GTF2A1: variants seen among roughly 807,000 people sequenced by gnomAD.
GTF2A1 encodes general transcription factor IIA subunit 1.
In GTF2A1, 12 loss-of-function variants were observed where a neutral mutation model predicts 54.1. The observed-to-expected ratio is 0.22, with a 90% CI of 0.14 to 0.36. GTF2A1 has a LOEUF of 0.36. Among genes scored for constraint, GTF2A1 ranks in the 10% least tolerant of loss-of-function variants. The pLI, the probability that GTF2A1 is intolerant of heterozygous loss-of-function variation, is 1.00. For synonymous variants in GTF2A1, 145 were observed against 152.0 expected (o/e 0.95, Z 0.34); for missense variants, 335 against 442.2 (o/e 0.76, Z 2.17).
intron 4 of GTF2A1, among the ~76,000 whole-genome samples, chr14:81,198,621 C>A (rs1018172166): frequency 6.6e-6 from 1 of 152,150 alleles, no homozygotes; most frequent in Non-Finnish European, 1.5e-5. Flanking sequence ...TTATTCTGCA[C>A]TTTAAGTATT....
intron 8 of GTF2A1, among the ~76,000 whole-genome samples, chr14:81,180,910 T>C (rs67933866): frequency 0.13 from 19,481 of 152,230 alleles, 1,430 homozygotes; most frequent in African/African-American, 0.2. Flanking sequence ...GGTATTTTCA[T>C]TGACATTTCT....
intron 7 of GTF2A1, among the ~76,000 whole-genome samples, chr14:81,190,279 AAG>A (rs565529072): frequency 5.6e-4 from 85 of 152,214 alleles, no homozygotes; most frequent in Non-Finnish European, 9.9e-4. Context: ...AAAAAAAAAA[AAG>A]AGTTCAAAAT....
At position 81,178,116 on chromosome 14, in the gene GTF2A1, T is replaced by C. The variant is rs1477521362; in HGVS notation, c.*2107A>G. The C allele has an allele frequency of 6.6e-6, 1 of 152,080 alleles. No individual in the cohort carries two copies. Among genetic ancestry groups the C allele is most frequent in the Non-Finnish European group, 1.5e-5 (1 of 67,978 alleles). 9.4% of individuals were successfully genotyped at this position (152,080 alleles called of 1,614,324 possible). A position where few individuals can be genotyped will look rare whatever the true frequency, so the allele number is the denominator to read the frequency against. ...GGCCAGTATACAACACTACTATGAATATGAATGTTTGTCTACATAGAGGGC... is the reference window on the plus strand; with the variant it reads ...GGCCAGTATACAACACTACTATGAACATGAATGTTTGTCTACATAGAGGGC... On this transcript the variant is annotated 3_prime_UTR_variant, in exon 9 of 9. Coordinates refer to ENST00000553612, the MANE Select transcript of GTF2A1 (RefSeq NM_015859.4).
chr14:81,201,930 CG>C (rs1314872705), intron 3 of GTF2A1, among the ~76,000 whole-genome samples: 1 of 152,020 alleles, frequency 6.6e-6, no homozygotes, highest in African/African-American at 2.4e-5. Context: ...GAGGCCAAGG[CG>C]GGTGGATCAC....
chr14:81,204,362 A>G, intron 2 of GTF2A1: 1 of 579,898 alleles, frequency 1.7e-6, no homozygotes, highest in Non-Finnish European at 3.2e-6. Context: ...TTTCTATAGT[A>G]ATTCCTTAAT....
At chr14:81,196,719 A>G (rs1207268204) in intron 5 of GTF2A1, among the ~76,000 whole-genome samples, 1 of 152,228 alleles carries the variant, frequency 6.6e-6, no homozygotes, top group African/African-American at 2.4e-5. Context: ...ACCAGTTATC[A>G]TCATTGTCAT....
intron 2 of GTF2A1, among the ~76,000 whole-genome samples, chr14:81,208,016 T>A (rs1328442736): frequency 4.0e-5 from 6 of 151,026 alleles, no homozygotes; most frequent in African/African-American, 1.5e-4. Flanking sequence ...GAAAAAGCCA[T>A]TTTTTGAGGA....
chr14:81,207,618 G>A (rs1444337872), intron 2 of GTF2A1, among the ~76,000 whole-genome samples: 1 of 152,176 alleles, frequency 6.6e-6, no homozygotes, highest in East Asian at 1.9e-4. Flanking sequence ...GGAACGGTTT[G>A]GGGAGCTCAG....
chr14:81,206,996 G>A (rs1223538834), intron 2 of GTF2A1, among the ~76,000 whole-genome samples: 1 of 152,128 alleles, frequency 6.6e-6, no homozygotes, highest in Non-Finnish European at 1.5e-5. Context: ...TTCTTAAGGA[G>A]GGTCCTAGTC....
In GTF2A1 at chr14:81,220,730, A is replaced by C; in HGVS notation, c.-212T>G. The C allele has an allele frequency of 3.7e-5, 12 of 327,744 alleles. No homozygotes were observed. The highest frequency in any genetic ancestry group is 4.6e-5 in the East Asian group (1 of 21,826). 20.3% of individuals were successfully genotyped at this position (327,744 alleles called of 1,614,324 possible). The stretch of plus-strand genomic sequence containing the variant: ...CCTCCCGCAGCTGAAAACCTCGAGA[A>C]TCGCCTTAAAAAAAAAAAAAAAGCC... On this transcript the variant is annotated 5_prime_UTR_variant, in exon 1 of 9. Coordinates refer to ENST00000553612, the MANE Select transcript of GTF2A1 (RefSeq NM_015859.4).
intron 1 of GTF2A1, 138 bp downstream of exon 1, chr14:81,220,351 G>A: frequency 3.1e-6 from 1 of 323,204 alleles, no homozygotes; most frequent in Non-Finnish European, 5.2e-6. Context: ...CGCCCGAGGC[G>A]GGAAGCGGCG....
chr14:81,206,177 T>C (rs1159966074), intron 2 of GTF2A1, among the ~76,000 whole-genome samples: 1 of 152,208 alleles, frequency 6.6e-6, no homozygotes. Flanking sequence ...ATGGTAAACA[T>C]TAATGAATAC....
intron 4 of GTF2A1, among the ~76,000 whole-genome samples, chr14:81,200,280 A>G (rs1893075797): frequency 6.6e-6 from 1 of 152,150 alleles, no homozygotes; most frequent in African/African-American, 2.4e-5. Context: ...GTGATTCAGT[A>G]TCACTCACAA....
chr14:81,190,525 T>C (rs1892853996), intron 7 of GTF2A1, among the ~76,000 whole-genome samples: 1 of 152,146 alleles, frequency 6.6e-6, no homozygotes, highest in Admixed American at 6.5e-5. Flanking sequence ...ATGAAATCCA[T>C]TATAAATAAC....
At chr14:81,180,824 A>G (rs991978252) in intron 8 of GTF2A1, among the ~76,000 whole-genome samples, 7 of 152,200 alleles carry the variant, frequency 4.6e-5, no homozygotes, top group African/African-American at 1.7e-4. Flanking sequence ...GGTCTACCTC[A>G]AAAAGACTAT....
At chr14:81,186,115 G>T (rs1892739783) in intron 7 of GTF2A1, among the ~76,000 whole-genome samples, 1 of 152,116 alleles carries the variant, frequency 6.6e-6, no homozygotes, top group Admixed American at 6.5e-5. Context: ...GCCTCCCAAA[G>T]TGCTGGGATT....
intron 2 of GTF2A1, among the ~76,000 whole-genome samples, chr14:81,204,726 G>A (rs922696051): frequency 4.6e-5 from 7 of 152,048 alleles, no homozygotes; most frequent in African/African-American, 1.4e-4. Flanking sequence ...CTTCCATTAC[G>A]CCAATTGACA....
intron 6 of GTF2A1, among the ~76,000 whole-genome samples, chr14:81,194,953 G>C (rs545121342): frequency 2.6e-5 from 4 of 151,918 alleles, no homozygotes; most frequent in Non-Finnish European, 5.9e-5. Context: ...GTCCAACCTA[G>C]ACATGGTGAA....
Position 81,188,072 on chromosome 14 carries a change from T to A in GTF2A1, c.934-2452A>T, listed in dbSNP as rs150383809. 1.2e-3 allele frequency among the ~76,000 whole-genome samples: 186 copies of A among 152,386 alleles called. 4 individuals are homozygous for A. In the East Asian group the frequency reaches 0.03, roughly 25 times the overall value. On this transcript the variant is annotated intron_variant, in intron 7 of 8. Coordinates refer to ENST00000553612, the MANE Select transcript of GTF2A1 (RefSeq NM_015859.4). ...GTGGTTTTCATTTGCATTTCTCTAA[T>A]GACTAATGATGCTGAGCATCTTTTC... is the stretch of plus-strand genomic sequence containing the variant.
Sources: gnomAD v4.1 joint callset for allele counts (sites outside exome capture counted in the v4.1 genomes callset) on GRCh38, gnomAD v4.1.1 for gene constraint, MANE v1.5 for transcripts, NCBI Gene and HGNC (gene_info 2026-07-23, HGNC 2026-07-21) for gene names.